Variants in DDX21 observed in about 807,000 individuals in gnomAD.
DDX21 encodes the protein nucleolar RNA helicase 2.
Under a neutral mutation model 90.0 loss-of-function variants are expected in DDX21, and 18 were observed. The ratio of observed to expected loss-of-function variants is 0.20; its 90% CI spans 0.14 to 0.30. The LOEUF (loss-of-function observed/expected upper bound fraction) is 0.30. Among genes scored for constraint, DDX21 ranks in the 10% least tolerant of loss-of-function variants. The probability of loss-of-function intolerance (pLI) is 1.00; values close to 1 mark genes in which losing one functional copy is unlikely to be tolerated. For missense variants in DDX21, 673 were observed against 944.5 expected, an observed-to-expected ratio of 0.71 and a Z score of 3.77; for synonymous variants, 294 against 318.0, an observed-to-expected ratio of 0.92 and a Z score of 0.80.
chr10:68,975,113 C>A (rs1008216307), intron 11 of DDX21, among the ~76,000 whole-genome samples: 1 of 152,164 alleles, frequency 6.6e-6, no homozygotes, highest in Non-Finnish European at 1.5e-5. Context: ...TTTGCTTTGT[C>A]TAGGATATTT....
rs1199435940 is a variant in DDX21 at position 68,956,219 on chromosome 10, G to C, written c.-7G>C. ...AGACCGGTCGGCCTGGGCAACCTGC[G>C]CTGAAGATGCCGGGAAAACTCCGTA... On this transcript the variant is annotated 5_prime_UTR_variant, in exon 1 of 15. Coordinates refer to ENST00000354185, the MANE Select transcript of DDX21 (RefSeq NM_004728.4). 1 of 1,613,754 alleles carries C rather than the reference G, an allele frequency of 6.2e-7. No homozygotes were observed. The highest frequency in any genetic ancestry group is 8.5e-7 in the Non-Finnish European group (1 of 1,179,888).
chr10:68,977,557 A>AT lies in DDX21; in HGVS notation c.1773dup (p.Ser592Ter). 1 of 1,612,644 alleles carries AT rather than the reference A, an allele frequency of 6.2e-7. No individual in the cohort carries two copies. Among genetic ancestry groups the AT allele is most frequent in the Middle Eastern group, 1.7e-4 (1 of 6,056 alleles). ...TTTGGATTCCGTGCCTCCCACTGCC[A>AT]TTAGTCACTTCAAACAATCAGCTGA... On this transcript the variant is annotated frameshift_variant, in exon 12 of 15. Transcript: ENST00000354185. LOFTEE classifies it high-confidence loss of function.
intron 6 of DDX21, among the ~76,000 whole-genome samples, chr10:68,968,332 T>C (rs779860172): frequency 9.2e-5 from 14 of 152,196 alleles, no homozygotes; most frequent in Non-Finnish European, 1.6e-4. Context: ...GTTTTTATTA[T>C]TGATAGAGAC....
At chr10:68,957,355 C>T (rs781284220) in intron 1 of DDX21, among the ~76,000 whole-genome samples, 6 of 152,100 alleles carry the variant, frequency 3.9e-5, no homozygotes, top group Non-Finnish European at 7.3e-5. Context: ...GATAGCTGAC[C>T]GGTGCTTTGC....
Position 68,984,656 on chromosome 10 carries a change from C to T in DDX21, c.*1844C>T, listed in dbSNP as rs565406410. On this transcript the variant is annotated 3_prime_UTR_variant, in exon 15 of 15. Coordinates refer to ENST00000354185, the MANE Select transcript of DDX21 (RefSeq NM_004728.4). ...AAGCAGATTAAAAGGATATGGTACCCGTCCTTTAGAAAAGAACAGCTAAAA... is the reference window on the plus strand; with the variant it reads ...AAGCAGATTAAAAGGATATGGTACCTGTCCTTTAGAAAAGAACAGCTAAAA... 2.6e-5 allele frequency: 4 copies of T among 152,194 alleles called. No individual in the cohort carries two copies. Among genetic ancestry groups the T allele is most frequent in the African/African-American group, 7.2e-5 (3 of 41,506 alleles). The allele number at this position is 152,194 out of a possible 1,614,324, so 9.4% of individuals were successfully genotyped here. A position where few individuals can be genotyped will look rare whatever the true frequency, so the allele number is the denominator to read the frequency against.
At position 68,977,513 on chromosome 10, in the gene DDX21, C is replaced by T. The variant is rs1437419428; in HGVS notation, c.1743-16C>T. 1.3e-6 allele frequency: 2 copies of T among 1,590,862 alleles called. No homozygotes were observed. Among genetic ancestry groups the T allele is most frequent in the Admixed American group, 3.5e-5 (2 of 57,056 alleles). On this transcript the variant is annotated splice_polypyrimidine_tract_variant and intron_variant, in intron 11 of 14. Coordinates refer to ENST00000354185, the MANE Select transcript of DDX21 (RefSeq NM_004728.4). Reference sequence around the variant, plus strand: ...ACTTCTAGTATCCTTTCTCCTAACACACTCTCAAACAACAGGCTTTTGGAT... The same window carrying T: ...ACTTCTAGTATCCTTTCTCCTAACATACTCTCAAACAACAGGCTTTTGGAT...
chr10:68,961,954 T>C, intron 2 of DDX21, 128 bp from the exon 3 acceptor site: 1 of 631,310 alleles, frequency 1.6e-6, no homozygotes, highest in Non-Finnish European at 2.7e-6. Context: ...ATCTTTTTGG[T>C]TGATTTTTAA....
At chr10:68,959,456 T>TG in intron 1 of DDX21, among the ~76,000 whole-genome samples, 1 of 152,048 alleles carries the variant, frequency 6.6e-6, no homozygotes. Flanking sequence ...TTGTGCCACT[T>TG]CACTACAGCC....
chr10:68,958,376 C>G (rs1402050818), intron 1 of DDX21, among the ~76,000 whole-genome samples: 2 of 152,128 alleles, frequency 1.3e-5, no homozygotes, highest in Non-Finnish European at 2.9e-5. Context: ...TCAAGCAATC[C>G]TCCCACCTCA....
intron 8 of DDX21, among the ~76,000 whole-genome samples, 157 bp from the exon 9 acceptor site, chr10:68,971,734 T>C (rs574687010): frequency 6.6e-6 from 1 of 152,246 alleles, no homozygotes; most frequent in Admixed American, 6.5e-5. Flanking sequence ...GGAAATAATA[T>C]TGAGGCTTAT....
intron 3 of DDX21, 131 bp downstream of exon 3, chr10:68,962,288 G>T: frequency 1.6e-6 from 1 of 642,818 alleles, no homozygotes; most frequent in East Asian, 2.8e-5. Flanking sequence ...TAATGAAGTA[G>T]GCCTGTGTAT....
rs1263324238 is a variant in DDX21, at chr10:68,983,161, T to C, written c.*349T>C. On this transcript the variant is annotated 3_prime_UTR_variant, in exon 15 of 15. Coordinates refer to ENST00000354185, the MANE Select transcript of DDX21 (RefSeq NM_004728.4). ...TATACTCAAAAGTGTCCCTTAATAG[T>C]GTCCTTCCCTGAAATAAATACCTAA... 1 of 253,710 alleles carries C rather than the reference T, an allele frequency of 3.9e-6. No individual in the cohort carries two copies. Among genetic ancestry groups the C allele is most frequent in the Non-Finnish European group, 7.8e-6 (1 of 128,506 alleles). 15.7% of individuals were successfully genotyped at this position (253,710 alleles called of 1,614,324 possible). A position where few individuals can be genotyped will look rare whatever the true frequency, so the allele number is the denominator to read the frequency against.
chr10:68,965,062 G>T (rs1401035418), intron 4 of DDX21, among the ~76,000 whole-genome samples: 1 of 152,268 alleles, frequency 6.6e-6, no homozygotes, highest in Middle Eastern at 3.4e-3. Context: ...TTTCTCTACT[G>T]TAGAGGTTAA....
At chr10:68,966,923 A>C (rs1322465607) in intron 5 of DDX21, 95 bp from the exon 6 acceptor site, 2 of 1,015,060 alleles carry the variant, frequency 2.0e-6, no homozygotes, top group African/African-American at 3.4e-5. Flanking sequence ...GTATTTAACA[A>C]ATATTTTAGA....
intron 4 of DDX21, chr10:68,964,197 T>C (rs1842909728): frequency 2.7e-6 from 1 of 364,840 alleles, no homozygotes; most frequent in Non-Finnish European, 5.3e-6. Context: ...TCCATTGGGT[T>C]CATTTCTAGA....
At chr10:68,962,506 C>T (rs1481108854) in intron 3 of DDX21, among the ~76,000 whole-genome samples, 1 of 152,172 alleles carries the variant, frequency 6.6e-6, no homozygotes, top group African/African-American at 2.4e-5. Flanking sequence ...GTCCTAACTA[C>T]TCCAGAGGCT....
At chr10:68,963,529 T>G (rs1344654664) in intron 4 of DDX21, 60 bp downstream of exon 4, 3 of 1,499,854 alleles carry the variant, frequency 2.0e-6, no homozygotes, top group Non-Finnish European at 2.7e-6. Flanking sequence ...ACTTGGGCAT[T>G]GTGTACATAC....
At position 68,975,825 on chromosome 10, in the gene DDX21, G is replaced by A. The variant is rs185540926; in HGVS notation, c.1742+1082G>A. ...GCACTTTGGGAGGCCAAGGCGGGTGGATTACCTGAGGTCAGGAGTTCAAGA... is the reference window on the plus strand; with the variant it reads ...GCACTTTGGGAGGCCAAGGCGGGTGAATTACCTGAGGTCAGGAGTTCAAGA... On this transcript the variant is annotated intron_variant, in intron 11 of 14. Coordinates refer to ENST00000354185, the MANE Select transcript of DDX21 (RefSeq NM_004728.4). Among the ~76,000 whole-genome samples the A allele has an allele frequency of 1.7e-4, 26 of 152,112 alleles. No individual in the cohort carries two copies. The East Asian group carries it at 4.7e-3, about 27-fold the overall frequency.
intron 5 of DDX21, among the ~76,000 whole-genome samples, chr10:68,965,960 G>A (rs1439222972): frequency 2.6e-5 from 4 of 152,002 alleles, no homozygotes; most frequent in South Asian, 4.2e-4. Flanking sequence ...TTTATTATTA[G>A]AGCAGATGTA....
Sources: gnomAD v4.1 joint callset for allele counts (sites outside exome capture counted in the v4.1 genomes callset) on GRCh38, gnomAD v4.1.1 for gene constraint, MANE v1.5 for transcripts, NCBI Gene and HGNC (gene_info 2026-07-23, HGNC 2026-07-21) for gene names.